The following NAV1 variants were observed in gnomAD, a reference collection of about 807,000 sequenced individuals.
The protein encoded by NAV1 is neuron navigator 1.
Under a neutral mutation model 175.2 loss-of-function variants are expected in NAV1, and 18 were observed. The ratio of observed to expected loss-of-function variants is 0.10; its 90% confidence interval spans 0.07 to 0.15. The LOEUF is 0.15. NAV1 is among the 10% of genes least tolerant of loss of function. NAV1 has a pLI of 1.00. For synonymous variants in NAV1, 897 were observed against 978.7 expected, an observed-to-expected ratio of 0.92 and a Z score of 1.56; for missense variants, 1,731 against 2,436.6, an observed-to-expected ratio of 0.71 and a Z score of 6.10.
intron 3 of NAV1, among the ~76,000 whole-genome samples, chr1:201,774,133 T>C (rs1351553347): frequency 6.6e-6 from 1 of 152,200 alleles, no homozygotes; most frequent in Non-Finnish European, 1.5e-5. Flanking sequence ...TGCCCAGCTC[T>C]CTTTTCTGTA....
intron 1 of NAV1, among the ~76,000 whole-genome samples, chr1:201,696,938 T>C (rs1671217996): frequency 6.6e-6 from 1 of 152,204 alleles, no homozygotes; most frequent in Non-Finnish European, 1.5e-5. Context: ...CTTTTTTCCT[T>C]TTCCTTCCCT....
intron 2 of NAV1, among the ~76,000 whole-genome samples, chr1:201,606,681 G>C (rs1322824613): frequency 2.6e-5 from 4 of 152,122 alleles, no homozygotes; most frequent in Admixed American, 2.0e-4. Context: ...GTGTTCATTG[G>C]GGAAGAACAG....
chr1:201,658,761 G>A (rs1008628541), intron 1 of NAV1, among the ~76,000 whole-genome samples: 1 of 152,202 alleles, frequency 6.6e-6, no homozygotes, highest in African/African-American at 2.4e-5. Context: ...AGATCAGCCA[G>A]CCAGGGCCTC....
chr1:201,729,148 G>A (rs1000464572), intron 3 of NAV1, among the ~76,000 whole-genome samples: 1 of 152,148 alleles, frequency 6.6e-6, no homozygotes, highest in Non-Finnish European at 1.5e-5. Flanking sequence ...CTTATGTTCT[G>A]TGATAAGCCA....
At chr1:201,572,606 G>A (rs11584560) in intron 1 of NAV1, among the ~76,000 whole-genome samples, 15,725 of 151,818 alleles carry the variant, frequency 0.1, 993 homozygotes, top group Admixed American at 0.14. Flanking sequence ...CTGACCTCAT[G>A]ATCCACCCGC....
At chr1:201,609,747 CT>C in intron 2 of NAV1, among the ~76,000 whole-genome samples, 1 of 152,298 alleles carries the variant, frequency 6.6e-6, no homozygotes, top group Middle Eastern at 3.4e-3. Flanking sequence ...CCGCTTACCT[CT>C]GCTCCTCCCT....
intron 13 of NAV1, 117 bp downstream of exon 17, chr1:201,790,883 C>A: frequency 1.1e-6 from 1 of 884,620 alleles, no homozygotes. Flanking sequence ...ACGTCAAGGG[C>A]ATGCGTCTTC....
chr1:201,770,973 C>T (rs902509145), intron 3 of NAV1, among the ~76,000 whole-genome samples: 7 of 152,134 alleles, frequency 4.6e-5, no homozygotes, highest in Admixed American at 2.6e-4. Context: ...GAAAGACCCC[C>T]TCCAAAGCAC....
chr1:201,698,817 G>A (rs1218924358), intron 1 of NAV1, among the ~76,000 whole-genome samples: 1 of 152,228 alleles, frequency 6.6e-6, no homozygotes, highest in Non-Finnish European at 1.5e-5. Flanking sequence ...GGGCAGGTGG[G>A]TGAAGTCAAA....
At chr1:201,582,534 C>G (rs1238342192) in intron 1 of NAV1, among the ~76,000 whole-genome samples, 1 of 152,220 alleles carries the variant, frequency 6.6e-6, no homozygotes, top group Admixed American at 6.5e-5. Flanking sequence ...CCAGCTGACT[C>G]AGGACCCTGG....
rs1275533170 is a variant in NAV1 at position 201,787,898 on chromosome 1, G to A, written c.2996-570G>A. On this transcript the variant is annotated intron_variant, in intron 9 of 29. Transcript: ENST00000367296. This position sits in a 1 kb window ranked among gnomAD's most constrained non-coding sequence, Gnocchi z 4.3. ...GCCGGGGCAATGCTAGGCAAAGAGG[G>A]CCATGTTTCTTGATGCTTTAGCGCC... 5.8e-6 allele frequency: 2 copies of A among 343,628 alleles called. No homozygotes were observed. Among genetic ancestry groups the A allele is most frequent in the Non-Finnish European group, 1.2e-5 (2 of 173,212 alleles). The allele number at this position is 343,628 out of a possible 1,614,324, so 21.3% of individuals were successfully genotyped here. A position where few individuals can be genotyped will look rare whatever the true frequency, so the allele number is the denominator to read the frequency against.
chr1:201,581,727 G>A (rs1329438140), intron 1 of NAV1, among the ~76,000 whole-genome samples: 1 of 152,014 alleles, frequency 6.6e-6, no homozygotes, highest in African/African-American at 2.4e-5. Flanking sequence ...TACTCTGGAG[G>A]CTGAGGCACA....
At chr1:201,697,705 G>T (rs1671247728) in intron 1 of NAV1, among the ~76,000 whole-genome samples, 1 of 152,156 alleles carries the variant, frequency 6.6e-6, no homozygotes, top group Admixed American at 6.5e-5. Context: ...ACACAGGCTG[G>T]CCAGACCTTA....
At chr1:201,792,155 C>G (rs948578125) in intron 13 of NAV1, 1 of 151,952 alleles carries the variant, frequency 6.6e-6, no homozygotes, top group South Asian at 2.1e-4. Context: ...CACCCAGACA[C>G]GGTGGGTTCT....
In NAV1 at chr1:201,814,899, T is replaced by C. The variant is rs542778212; in HGVS notation, c.5340+1641T>C. On this transcript the variant is annotated intron_variant, in intron 28 of 29. Coordinates refer to ENST00000367296, the Ensembl canonical transcript of NAV1. ...CTAAAAATACAAAAAATTAGCTAGA[T>C]GTGGTGGTGGGCACCTGTAGTCCCA... is the stretch of plus-strand genomic sequence containing the variant. Among the ~76,000 whole-genome samples, 12 of 151,172 alleles carry C rather than the reference T, an allele frequency of 7.9e-5. No individual in the cohort carries two copies. The South Asian group carries it at 2.3e-3, about 29-fold the overall frequency.
intron 1 of NAV1, among the ~76,000 whole-genome samples, chr1:201,675,180 A>G (rs541210977): frequency 6.6e-6 from 1 of 152,070 alleles, no homozygotes; most frequent in South Asian, 2.1e-4. Flanking sequence ...CGGCCTCCAG[A>G]CTACACCAGG....
At chr1:201,781,961 C>CA (rs944182882) in intron 5 of NAV1, among the ~76,000 whole-genome samples, 5 of 151,860 alleles carry the variant, frequency 3.3e-5, no homozygotes, top group Middle Eastern at 3.4e-3. Context: ...GGGAGCAAAA[C>CA]AAAAAAAATT....
At chr1:201,647,712 C>G (rs999694975), upstream of NAV1, among the ~76,000 whole-genome samples, 1 of 152,058 alleles carries the variant, frequency 6.6e-6, no homozygotes, top group Admixed American at 6.5e-5. Flanking sequence ...TAGGGCGGGA[C>G]TGGGAGTTTC....
At chr1:201,551,804 T>C (rs1001818300) in intron 1 of NAV1, among the ~76,000 whole-genome samples, 4 of 152,234 alleles carry the variant, frequency 2.6e-5, no homozygotes, top group Non-Finnish European at 5.9e-5. Flanking sequence ...CCATTGTGCA[T>C]GAATTTAGGC....
Sources: allele counts gnomAD v4.1 joint callset (sites outside exome capture counted in the v4.1 genomes callset), GRCh38; gene constraint gnomAD v4.1.1; non-coding constraint Gnocchi (gnomAD v3.1); transcripts MANE v1.5; gene names NCBI Gene and HGNC (gene_info 2026-07-23, HGNC 2026-07-21).